MAP2K5: variants seen among roughly 807,000 people sequenced by gnomAD.
MAP2K5 encodes the protein mitogen-activated protein kinase kinase 5, also known as dual specificity mitogen-activated protein kinase kinase 5.
MAP2K5 carries 49 observed loss-of-function variants against 83.1 expected under a neutral mutation model. The ratio of observed to expected loss-of-function variants is 0.59; its 90% CI spans 0.47 to 0.75. The LOEUF (loss-of-function observed/expected upper bound fraction) is 0.75. Ranked by LOEUF, MAP2K5 falls within the 30% of genes least tolerant of loss-of-function variation. The pLI, the probability that MAP2K5 is intolerant of heterozygous loss-of-function variation, is 0.00. For synonymous variants in MAP2K5, 202 were observed against 191.8 expected (o/e 1.05, Z -0.44); for missense variants, 457 against 557.5 (o/e 0.82, Z 1.82).
intron 16 of MAP2K5, among the ~76,000 whole-genome samples, chr15:67,726,829 T>C (rs1471580340): frequency 6.6e-6 from 1 of 152,250 alleles, no homozygotes. Context: ...ATGTCAGGAC[T>C]GAGGATTGGC....
At chr15:67,798,815 A>G (rs1011160446) in intron 21 of MAP2K5, among the ~76,000 whole-genome samples, 1 of 152,214 alleles carries the variant, frequency 6.6e-6, no homozygotes, top group Non-Finnish European at 1.5e-5. Context: ...CCCAGGTCTT[A>G]AAAGGAAATG....
intron 8 of MAP2K5, among the ~76,000 whole-genome samples, chr15:67,625,932 T>C (rs999523232): frequency 6.6e-6 from 1 of 152,194 alleles, no homozygotes; most frequent in Non-Finnish European, 1.5e-5. Flanking sequence ...CAGTATGGTA[T>C]GTATATTAGA....
intron 8 of MAP2K5, among the ~76,000 whole-genome samples, chr15:67,624,195 C>T (rs1477748534): frequency 6.6e-6 from 1 of 151,782 alleles, no homozygotes; most frequent in Non-Finnish European, 1.5e-5. Context: ...AAATATTAGC[C>T]AGGCGTGCTG....
chr15:67,709,710 T>C (rs977852648), intron 16 of MAP2K5, among the ~76,000 whole-genome samples: 2 of 152,206 alleles, frequency 1.3e-5, no homozygotes, highest in Non-Finnish European at 2.9e-5. Context: ...TCTTGTGTCA[T>C]TTGAGTTCAC....
At chr15:67,578,408 A>G (rs2085109266) in intron 3 of MAP2K5, among the ~76,000 whole-genome samples, 1 of 152,106 alleles carries the variant, frequency 6.6e-6, no homozygotes, top group Non-Finnish European at 1.5e-5. Context: ...TAGGGCCCAC[A>G]CTGTGGTTTT....
Position 67,550,068 on chromosome 15 carries a change from C to G in MAP2K5, c.170C>G (p.Thr57Ser). ...VIGQVLPEAT[T>S]TAFEYEDEDG... ...GGCCAGGTTCTGCCTGAAGCAACAA[C>G]TACAGCATTTGAATGTAAGTCTGGC... is the stretch of plus-strand genomic sequence containing the variant. The change falls in exon 2 of 22, where the codon ACT (threonine) becomes AGT (serine). Residue 57 changes from threonine (T) to serine (S), a missense_variant. Coordinates refer to ENST00000178640, the MANE Select transcript of MAP2K5 (RefSeq NM_145160.3). The G allele has an allele frequency of 6.2e-7, 1 of 1,613,622 alleles. No homozygotes were observed. Among genetic ancestry groups the G allele is most frequent in the Non-Finnish European group, 8.5e-7 (1 of 1,179,608 alleles).
Position 67,770,325 on chromosome 15 carries a change from C to T in MAP2K5, c.1196+662C>T, listed in dbSNP as rs921420147. Among the ~76,000 whole-genome samples the T allele has an allele frequency of 1.3e-5, 2 of 152,194 alleles. No homozygotes were observed. The highest frequency in any genetic ancestry group is 2.9e-5 in the Non-Finnish European group (2 of 68,030). ...CAGCCTTCTGCCTTTTTCCTCCTAG[C>T]AGAACGCAGATGTCTTTTATTACCC... is the stretch of plus-strand genomic sequence containing the variant. On this transcript the variant is annotated intron_variant, in intron 20 of 21. Transcript: ENST00000178640. This position sits in a 1 kb window ranked among gnomAD's most constrained non-coding sequence, Gnocchi z 5.0.
At position 67,757,144 on chromosome 15, in the gene MAP2K5, C is replaced by A. The variant is rs1349265596; in HGVS notation, c.1134+8543C>A. Among the ~76,000 whole-genome samples, 1 of 152,050 alleles carries A rather than the reference C, an allele frequency of 6.6e-6. No individual in the cohort carries two copies. The highest frequency in any genetic ancestry group is 1.5e-5 in the Non-Finnish European group (1 of 68,022). On this transcript the variant is annotated intron_variant, in intron 19 of 21. Coordinates refer to ENST00000178640, the MANE Select transcript of MAP2K5 (RefSeq NM_145160.3). This position sits in a 1 kb window ranked among gnomAD's most constrained non-coding sequence, Gnocchi z 4.9. ...CATGCTGTTTTCCATAATGGCTATA[C>A]CAATTTACATTCCCATGAACAGTGT... is the stretch of plus-strand genomic sequence containing the variant.
Position 67,592,997 on chromosome 15 carries a change from A to AT in MAP2K5, c.480+27dup, listed in dbSNP as rs778832337. ...CAGGTAGGTATTATTATATATTAAG[A>AT]TTTTCACATAATAATAACATATTAC... On this transcript the variant is annotated intron_variant, in intron 7 of 21. Transcript: ENST00000178640. 4 of 1,463,496 alleles carry AT rather than the reference A, an allele frequency of 2.7e-6. No homozygotes were observed. The Admixed American group carries it at 7.0e-5, about 26-fold the overall frequency. The allele number at this position is 1,463,496 out of a possible 1,614,324, so 90.7% of individuals were successfully genotyped here. A position where few individuals can be genotyped will look rare whatever the true frequency, so the allele number is the denominator to read the frequency against.
intron 1 of MAP2K5, among the ~76,000 whole-genome samples, chr15:67,547,455 CTTT>C (rs398057779): frequency 3.9e-5 from 5 of 128,730 alleles, no homozygotes; most frequent in South Asian, 2.5e-4. Context: ...TTTCTTTTTT[CTTT>C]TTTTTTTTTT....
intron 2 of MAP2K5, among the ~76,000 whole-genome samples, chr15:67,550,666 C>T (rs1037795221): frequency 1.3e-5 from 2 of 150,562 alleles, no homozygotes; most frequent in African/African-American, 4.9e-5. Context: ...AGTCATGCTA[C>T]GATGAGATAG....
chr15:67,673,625 G>C, intron 13 of MAP2K5, among the ~76,000 whole-genome samples: 1 of 152,130 alleles, frequency 6.6e-6, no homozygotes, highest in South Asian at 2.1e-4. Flanking sequence ...TTATTTTCTG[G>C]ATAAAGTGAT....
In MAP2K5 at chr15:67,676,133, G is replaced by A. The variant is rs765040281; in HGVS notation, c.847+11488G>A. Among the ~76,000 whole-genome samples, 17 of 151,954 alleles carry A rather than the reference G, an allele frequency of 1.1e-4. No homozygotes were observed. The highest frequency in any genetic ancestry group is 2.4e-4 in the Non-Finnish European group (16 of 68,034). On this transcript the variant is annotated intron_variant, in intron 13 of 21. Transcript: ENST00000178640. This position sits in a 1 kb window ranked among gnomAD's most constrained non-coding sequence, Gnocchi z 4.8. ...AGCAAGATGCCCCCAGTGTGTGGAT[G>A]AGTGTTTGATTCACCAAGCCCCGCA...
intron 16 of MAP2K5, among the ~76,000 whole-genome samples, chr15:67,725,326 A>G (rs1026775226): frequency 2.0e-5 from 3 of 152,256 alleles, no homozygotes; most frequent in African/African-American, 7.2e-5. Context: ...CTGTAGAACC[A>G]TGACCACTTG....
intron 8 of MAP2K5, among the ~76,000 whole-genome samples, chr15:67,617,287 A>T (rs1285327594): frequency 6.6e-6 from 1 of 152,192 alleles, no homozygotes; most frequent in Non-Finnish European, 1.5e-5. Context: ...ATCACTAGGA[A>T]AGCACATATG....
At position 67,652,145 on chromosome 15, in the gene MAP2K5, C is replaced by T. The variant is rs949866233; in HGVS notation, c.736+5676C>T. On this transcript the variant is annotated intron_variant, in intron 11 of 21. Transcript: ENST00000178640. This position sits in a 1 kb window ranked among gnomAD's most constrained non-coding sequence, Gnocchi z 4.2. ...GTCAAACATTTTTTCAAATGCCTTA[C>T]GTTGATTCTTCTTTAAACATTTGAT... is the stretch of plus-strand genomic sequence containing the variant. Among the ~76,000 whole-genome samples, 10 of 152,116 alleles carry T rather than the reference C, an allele frequency of 6.6e-5. No homozygotes were observed. The highest frequency in any genetic ancestry group is 9.7e-5 in the African/African-American group (4 of 41,402).
intron 2 of MAP2K5, among the ~76,000 whole-genome samples, chr15:67,551,254 T>C (rs2084505355): frequency 1.3e-5 from 2 of 152,334 alleles, no homozygotes; most frequent in East Asian, 1.9e-4. Flanking sequence ...GCAGATCCAC[T>C]GTCAGGAAGC....
chr15:67,553,048 A>G (rs2084544810), intron 2 of MAP2K5, among the ~76,000 whole-genome samples: 1 of 152,176 alleles, frequency 6.6e-6, no homozygotes, highest in Non-Finnish European at 1.5e-5. Flanking sequence ...GTTCATAATA[A>G]TAATAATACT....
At position 67,735,019 on chromosome 15, in the gene MAP2K5, C is replaced by G. The variant is rs375532223; in HGVS notation, c.1074+7074C>G. On this transcript the variant is annotated intron_variant, in intron 17 of 21. Transcript: ENST00000178640. ...AGACATTTAAAATATCCTGATATTT[C>G]AAGCATAAAATCAGATTTATATTCC... 4.8e-4 allele frequency among the ~76,000 whole-genome samples: 73 copies of G among 152,282 alleles called. 1 individual carries two copies. The highest frequency in any genetic ancestry group is 6.8e-3 in the Middle Eastern group (2 of 294).
Sources: allele counts gnomAD v4.1 joint callset (sites outside exome capture counted in the v4.1 genomes callset), GRCh38; gene constraint gnomAD v4.1.1; non-coding constraint Gnocchi (gnomAD v3.1); transcripts MANE v1.5; gene names NCBI Gene and HGNC (gene_info 2026-07-23, HGNC 2026-07-21).